The following ITPKB variants were observed in gnomAD, a reference collection of about 807,000 sequenced individuals.
ITPKB encodes inositol-trisphosphate 3-kinase B, also known as IP3 3-kinase B.
ITPKB carries 13 observed loss-of-function variants against 69.4 expected under a neutral mutation model. That is an observed-to-expected ratio of 0.19 (90% CI 0.12 to 0.30). The LOEUF (loss-of-function observed/expected upper bound fraction) is 0.30. ITPKB is among the 10% of genes least tolerant of loss of function. The pLI is 1.00. For missense variants in ITPKB, 1,240 were observed against 1,250.5 expected (o/e 0.99, Z 0.13); for synonymous variants, 584 against 513.7 (o/e 1.14, Z -1.85).
chr1:226,648,043 G>C (rs191894706), intron 3 of ITPKB, among the ~76,000 whole-genome samples: 2 of 152,342 alleles, frequency 1.3e-5, no homozygotes, highest in Non-Finnish European at 2.9e-5. Flanking sequence ...AGTGCTTCCA[G>C]AGGGTCCTAC....
chr1:226,664,143 C>T (rs1669453691), intron 2 of ITPKB, among the ~76,000 whole-genome samples: 1 of 152,200 alleles, frequency 6.6e-6, no homozygotes, highest in African/African-American at 2.4e-5. Flanking sequence ...CATCTCCTTC[C>T]TACTGAGTTA....
At position 226,641,168 on chromosome 1, in the gene ITPKB, A is replaced by T. The variant is rs1668954035; in HGVS notation, c.2451+753T>A. ...GGACAGGGAGATCATCCAGACAGTC[A>T]CCAATCCAGACAGTGCCAGTTCCCC... On this transcript the variant is annotated intron_variant, in intron 5 of 7. Transcript: ENST00000429204. This position sits in a 1 kb window ranked among gnomAD's most constrained non-coding sequence, Gnocchi z 4.6. Among the ~76,000 whole-genome samples the T allele has an allele frequency of 6.6e-6, 1 of 152,224 alleles. No individual in the cohort carries two copies. Among genetic ancestry groups the T allele is most frequent in the Non-Finnish European group, 1.5e-5 (1 of 68,042 alleles).
chr1:226,733,548 T>C (rs890993883), intron 2 of ITPKB, among the ~76,000 whole-genome samples: 2 of 151,978 alleles, frequency 1.3e-5, no homozygotes, highest in African/African-American at 4.8e-5. Flanking sequence ...TAATTTCCAG[T>C]TGGTTACCCA....
Position 226,737,246 on chromosome 1 carries a change from G to A in ITPKB, c.213C>T (p.Ser71=), listed in dbSNP as rs759619764. 17 of 1,555,358 alleles carry A rather than the reference G, an allele frequency of 1.1e-5. No individual in the cohort carries two copies. Among genetic ancestry groups the A allele is most frequent in the Non-Finnish European group, 1.4e-5 (16 of 1,157,944 alleles). ...GCCGGCCGCTCCGCCAGCCCCCGGG[G>A]CTCCGGGGCTCCTCGGGGGACAGCG... is the stretch of plus-strand genomic sequence containing the variant. ...AESLSPEEPR[S]PGGWRSGRRR... is the part of the protein sequence containing the mutation. The change falls in exon 2 of 8, where the codon AGC becomes AGT. Residue 71 remains serine, a synonymous_variant. Coordinates refer to ENST00000429204, the MANE Select transcript of ITPKB (RefSeq NM_002221.4).
intron 2 of ITPKB, among the ~76,000 whole-genome samples, chr1:226,650,377 T>A (rs1669163628): frequency 6.6e-6 from 1 of 152,182 alleles, no homozygotes; most frequent in African/African-American, 2.4e-5. Flanking sequence ...CAGCGCCCCA[T>A]GAGGCCATGT....
intron 2 of ITPKB, among the ~76,000 whole-genome samples, chr1:226,668,368 T>C (rs577548301): frequency 6.6e-6 from 1 of 152,322 alleles, no homozygotes; most frequent in South Asian, 2.1e-4. Flanking sequence ...TCGGTATCAG[T>C]GGCACTCACT....
chr1:226,649,447 GTGTGCATGTGTGATATGTGCATGTA>G (rs1669133884), intron 2 of ITPKB, among the ~76,000 whole-genome samples: 1 of 143,450 alleles, frequency 7.0e-6, no homozygotes, highest in Admixed American at 7.0e-5. Flanking sequence ...GTGTGCGTGT[GTGTGCATGTGTGATATGTGCATGTA>G]TGTGCATATG....
At chr1:226,646,034 G>GTCTCTC (rs150134683) in intron 4 of ITPKB, among the ~76,000 whole-genome samples, 30 of 151,926 alleles carry the variant, frequency 2.0e-4, no homozygotes, top group Non-Finnish European at 4.3e-4. Flanking sequence ...CTCTGTCTCT[G>GTCTCTC]TCTCTCTCTC....
At chr1:226,667,826 A>ATGTGTG (rs3841844) in intron 2 of ITPKB, among the ~76,000 whole-genome samples, 4,017 of 148,442 alleles carry the variant, frequency 0.027, 109 homozygotes, top group African/African-American at 0.067. Context: ...GATGAGGAAA[A>ATGTGTG]TGTGTGTGTG....
intron 2 of ITPKB, among the ~76,000 whole-genome samples, chr1:226,684,232 AG>A (rs1467150034): frequency 6.6e-6 from 1 of 152,218 alleles, no homozygotes; most frequent in Non-Finnish European, 1.5e-5. Flanking sequence ...GATATGTGAA[AG>A]CAAGTGTAGA....
intron 2 of ITPKB, among the ~76,000 whole-genome samples, chr1:226,713,859 T>C (rs767972098): frequency 2.6e-5 from 4 of 152,170 alleles, no homozygotes; most frequent in African/African-American, 2.4e-5. Flanking sequence ...CAGGCTATAT[T>C]GACTTCAATC....
Position 226,739,074 on chromosome 1 carries a change from A to T in ITPKB, c.-239T>A, listed in dbSNP as rs1375687032. Reference sequence around the variant, plus strand: ...TCTCAGATTCTCAGGTCCTGTGTAGACTACATGCCCAGAGGCGCAAACCTC... The same window carrying T: ...TCTCAGATTCTCAGGTCCTGTGTAGTCTACATGCCCAGAGGCGCAAACCTC... On this transcript the variant is annotated 5_prime_UTR_variant, in exon 1 of 8. Transcript: ENST00000429204. The T allele has an allele frequency of 6.6e-6, 1 of 152,166 alleles. No homozygotes were observed. The highest frequency in any genetic ancestry group is 1.5e-5 in the Non-Finnish European group (1 of 68,040). The allele number at this position is 152,166 out of a possible 1,614,324, so 9.4% of individuals were successfully genotyped here. A position where few individuals can be genotyped will look rare whatever the true frequency, so the allele number is the denominator to read the frequency against.
chr1:226,710,422 TA>T (rs1453677539), intron 2 of ITPKB, among the ~76,000 whole-genome samples: 1 of 152,244 alleles, frequency 6.6e-6, no homozygotes, highest in Non-Finnish European at 1.5e-5. Flanking sequence ...TAAAACGTAC[TA>T]AAATAAACCG....
At chr1:226,644,617 G>A (rs1669028883) in intron 4 of ITPKB, among the ~76,000 whole-genome samples, 1 of 152,204 alleles carries the variant, frequency 6.6e-6, no homozygotes. Context: ...GTCCCAAGAA[G>A]CCCCGACGTG....
intron 2 of ITPKB, among the ~76,000 whole-genome samples, chr1:226,682,871 G>A (rs1656120902): frequency 2.0e-5 from 3 of 152,162 alleles, no homozygotes. Flanking sequence ...TGCAAGTTGA[G>A]CCTCAGGAGG....
intron 2 of ITPKB, among the ~76,000 whole-genome samples, chr1:226,654,951 AGAG>A: frequency 6.6e-6 from 1 of 151,290 alleles, no homozygotes; most frequent in East Asian, 2.0e-4. Context: ...GGGAGGAGGA[AGAG>A]GAGGGAGGAG....
chr1:226,659,163 G>C (rs1669353881), intron 2 of ITPKB, among the ~76,000 whole-genome samples: 1 of 152,146 alleles, frequency 6.6e-6, no homozygotes, highest in Non-Finnish European at 1.5e-5. Flanking sequence ...CCTTCTTCCT[G>C]TTGCAACTAG....
intron 2 of ITPKB, among the ~76,000 whole-genome samples, chr1:226,664,189 G>A (rs1354451168): frequency 6.6e-6 from 1 of 152,338 alleles, no homozygotes; most frequent in Non-Finnish European, 1.5e-5. Context: ...ATGCAAGCAG[G>A]TTATCTGAAA....
intron 2 of ITPKB, among the ~76,000 whole-genome samples, chr1:226,705,753 A>G (rs981733559): frequency 2.0e-5 from 3 of 152,262 alleles, no homozygotes; most frequent in East Asian, 3.9e-4. Context: ...CTCTCCAGCT[A>G]TATCAACTTA....
Sources: allele counts gnomAD v4.1 joint callset (sites outside exome capture counted in the v4.1 genomes callset), GRCh38; gene constraint gnomAD v4.1.1; non-coding constraint Gnocchi (gnomAD v3.1); transcripts MANE v1.5; gene names NCBI Gene and HGNC (gene_info 2026-07-23, HGNC 2026-07-21).